MTFMT: variants seen among roughly 807,000 people sequenced by gnomAD.
MTFMT encodes mitochondrial methionyl-tRNA formyltransferase, also known as methionyl-tRNA formyltransferase, mitochondrial.
A neutral mutation model predicts 51.8 loss-of-function variants in MTFMT; 47 were observed. The ratio of observed to expected loss-of-function variants is 0.91; its 90% CI spans 0.72 to 1.16. The LOEUF (loss-of-function observed/expected upper bound fraction) is 1.16. Among genes scored for constraint, MTFMT ranks in the 50% most tolerant of loss-of-function variants. The pLI, the probability that MTFMT is intolerant of heterozygous loss-of-function variation, is 0.00. For synonymous variants in MTFMT, 196 were observed against 176.7 expected (o/e 1.11, Z -0.87); for missense variants, 512 against 482.3 (o/e 1.06, Z -0.58).
intron 6 of MTFMT, chr15:65,016,009 T>C (rs981746216): frequency 6.5e-6 from 1 of 153,206 alleles, no homozygotes; most frequent in Non-Finnish European, 1.5e-5. Context: ...GTGTACCATA[T>C]GTAGAAATCA....
At chr15:65,021,778 G>C (rs1410293710) in intron 3 of MTFMT, among the ~76,000 whole-genome samples, 162 bp from the exon 4 acceptor site, 1 of 152,134 alleles carries the variant, frequency 6.6e-6, no homozygotes, top group Non-Finnish European at 1.5e-5. Context: ...CCTGGAGTTT[G>C]AGACCAGCCT....
At chr15:65,027,881 T>C (rs922331287) in intron 1 of MTFMT, among the ~76,000 whole-genome samples, 3 of 152,204 alleles carry the variant, frequency 2.0e-5, no homozygotes, top group Non-Finnish European at 1.5e-5. Context: ...ACCATAACCA[T>C]GATGCCATTC....
intron 4 of MTFMT, among the ~76,000 whole-genome samples, chr15:65,020,728 T>C (rs761832400): frequency 3.3e-5 from 5 of 152,196 alleles, no homozygotes; most frequent in Admixed American, 6.5e-5. Context: ...AGCTGTCTCA[T>C]TGTGGAAAAG....
intron 3 of MTFMT, among the ~76,000 whole-genome samples, chr15:65,022,939 C>G (rs1055017789): frequency 1.3e-5 from 2 of 152,082 alleles, no homozygotes; most frequent in African/African-American, 4.8e-5. Context: ...ATCCTCCCAC[C>G]TCGGCCTCCC....
chr15:65,019,868 T>C (rs2086356381), intron 5 of MTFMT, among the ~76,000 whole-genome samples: 1 of 152,134 alleles, frequency 6.6e-6, no homozygotes, highest in Non-Finnish European at 1.5e-5. Context: ...AAGCAGAATT[T>C]AAAATACACG....
At chr15:65,009,949 C>T (rs2086250134) in intron 6 of MTFMT, among the ~76,000 whole-genome samples, 1 of 152,124 alleles carries the variant, frequency 6.6e-6, no homozygotes. Flanking sequence ...CCACCACACC[C>T]AACCAATTCC....
chr15:65,013,157 C>G (rs1024275323), intron 6 of MTFMT, among the ~76,000 whole-genome samples: 6 of 151,904 alleles, frequency 3.9e-5, no homozygotes, highest in African/African-American at 1.5e-4. Flanking sequence ...TTTCTTTTTT[C>G]TTGTCTAACT....
chr15:65,021,797 C>G (rs970798200), intron 3 of MTFMT, among the ~76,000 whole-genome samples, 181 bp from the exon 4 acceptor site: 3 of 152,116 alleles, frequency 2.0e-5, no homozygotes, highest in Non-Finnish European at 4.4e-5. Context: ...CTGGGCAACA[C>G]AGCTAGCCCC....
rs2086374885 is a variant in MTFMT, at chr15:65,021,618, T to C, written c.543-2A>G. The C allele has an allele frequency of 1.9e-6, 3 of 1,559,628 alleles. No homozygotes were observed. The highest frequency in any genetic ancestry group is 2.3e-5 in the East Asian group (1 of 43,920). ...TTGAGAATTGGGCCTACATCAAACC[T>C]AGCAAAAAATCAAAAGCAAATAATG... On this transcript the variant is annotated splice_acceptor_variant, in intron 3 of 8. Transcript: ENST00000220058. LOFTEE classifies it high-confidence loss of function.
chr15:65,025,111 G>C (rs1034908271), intron 2 of MTFMT, among the ~76,000 whole-genome samples: 13 of 151,804 alleles, frequency 8.6e-5, no homozygotes, highest in African/African-American at 2.4e-4. Flanking sequence ...GGATCACTTT[G>C]AGGCAGGGTA....
At chr15:65,029,377 C>G in intron 1 of MTFMT, 28 bp downstream of exon 1, 1 of 1,433,612 alleles carries the variant, frequency 7.0e-7, no homozygotes, top group East Asian at 3.0e-5. Flanking sequence ...CTTCAGCGGC[C>G]GGGTCCCCGG....
At chr15:65,009,999 C>A (rs2086250380) in intron 6 of MTFMT, among the ~76,000 whole-genome samples, 1 of 152,062 alleles carries the variant, frequency 6.6e-6, no homozygotes. Flanking sequence ...GCAGCCAGGG[C>A]AACCTTTTAA....
chr15:65,015,075 T>C (rs2018454701), intron 6 of MTFMT, among the ~76,000 whole-genome samples: 1 of 152,114 alleles, frequency 6.6e-6, no homozygotes, highest in South Asian at 2.1e-4. Flanking sequence ...GCAGCTATCA[T>C]TTAATGAGTA....
intron 5 of MTFMT, among the ~76,000 whole-genome samples, chr15:65,017,001 C>T (rs2086329311): frequency 6.6e-6 from 1 of 150,712 alleles, no homozygotes; most frequent in Non-Finnish European, 1.5e-5. Flanking sequence ...AGGCTGGTCT[C>T]GAACTCCTAA....
chr15:65,023,913 A>C, intron 2 of MTFMT, 119 bp from the exon 3 acceptor site: 1 of 894,948 alleles, frequency 1.1e-6, no homozygotes, highest in Non-Finnish European at 1.6e-6. Context: ...AAAAACTGAC[A>C]GTTAAATCTA....
chr15:65,008,306 T>C (rs2086235320), intron 6 of MTFMT, among the ~76,000 whole-genome samples: 1 of 152,224 alleles, frequency 6.6e-6, no homozygotes, highest in African/African-American at 2.4e-5. Flanking sequence ...TAATCCATCT[T>C]ACCCTTCCCT....
Position 65,026,999 on chromosome 15 carries a change from A to G in MTFMT, c.251T>C (p.Val84Ala). ...EEELIDKLEV[V>A]TMPSPSPKGL... ...TTTTGGTGATGGGGAAGGCATTGTG[A>G]CCACCTCCAGTTTGTCGATTAACTC... Residue 84 changes from valine (V) to alanine (A), a missense_variant, in exon 2 of 9, where the codon GTC becomes GCC. Transcript: ENST00000220058. 6.2e-7 allele frequency: 1 copy of G among 1,613,946 alleles called. No homozygotes were observed. The highest frequency in any genetic ancestry group is 8.5e-7 in the Non-Finnish European group (1 of 1,179,872).
Position 65,002,056 on chromosome 15 carries a change from A to G in MTFMT, c.*1006T>C, listed in dbSNP as rs1239517984. ...GCAGATTCAATACTCCTAAAATGTC[A>G]GTGGTGACACGATTTTTAAAAAATT... On this transcript the variant is annotated 3_prime_UTR_variant, in exon 9 of 9. Transcript: ENST00000220058. 1 of 152,092 alleles carries G rather than the reference A, an allele frequency of 6.6e-6. No homozygotes were observed. Among genetic ancestry groups the G allele is most frequent in the African/African-American group, 2.4e-5 (1 of 41,396 alleles). 9.4% of individuals were successfully genotyped at this position (152,092 alleles called of 1,614,324 possible). A position where few individuals can be genotyped will look rare whatever the true frequency, so the allele number is the denominator to read the frequency against.
chr15:65,029,474 G>A lies in MTFMT; in HGVS notation c.140C>T (p.Pro47Leu). ...CGTGCCGAAGAAGAGCACCCGCCAG[G>A]GAGGCTTCTCGCGGACTCTGGAGTC... ...CRDSRVREKP[P>L]WRVLFFGTDQ... The change falls in exon 1 of 9, where the codon CCC (proline) becomes CTC (leucine). Residue 47 changes from proline to leucine, a missense_variant. Transcript: ENST00000220058. 1 of 1,534,048 alleles carries A rather than the reference G, an allele frequency of 6.5e-7. No individual in the cohort carries two copies. Among genetic ancestry groups the A allele is most frequent in the Non-Finnish European group, 8.8e-7 (1 of 1,141,976 alleles).
Sources: allele counts gnomAD v4.1 joint callset (sites outside exome capture counted in the v4.1 genomes callset), GRCh38; gene constraint gnomAD v4.1.1; transcripts MANE v1.5; gene names NCBI Gene and HGNC (gene_info 2026-07-23, HGNC 2026-07-21).